The following HRK variants were observed in gnomAD, a reference collection of about 807,000 sequenced individuals.
HRK encodes the protein activator of apoptosis harakiri.
In HRK, 6 loss-of-function variants were observed where a neutral mutation model predicts 5.9. That is an observed-to-expected ratio of 1.02 (90% CI 0.56 to 2.01). The LOEUF (loss-of-function observed/expected upper bound fraction) is 2.01. HRK is among the 30% of genes most tolerant of loss of function. The pLI is 0.00. For synonymous variants in HRK, 85 were observed against 65.1 expected, an observed-to-expected ratio of 1.31 and a Z score of -1.47; for missense variants, 133 against 128.3, an observed-to-expected ratio of 1.04 and a Z score of -0.18.
In HRK at chr12:116,879,181, CA is replaced by C. The variant is rs1879047762; in HGVS notation, c.*56+1794del. On this transcript the variant is annotated intron_variant, in intron 1 of 1. Coordinates refer to ENST00000257572, the MANE Select transcript of HRK (RefSeq NM_003806.4). The surrounding 1 kb of genome is among the most constrained non-coding windows in gnomAD (Gnocchi z 5.6). ...TGGTGCCGGAAGGGGAGAGCGTTTCCAATCTCCTGGACGACAGAACCAGAGA... is the reference window on the plus strand; with the variant it reads ...TGGTGCCGGAAGGGGAGAGCGTTTCCATCTCCTGGACGACAGAACCAGAGA... 1 of 152,324 alleles carries C rather than the reference CA, an allele frequency of 6.6e-6. No homozygotes were observed. The highest frequency in any genetic ancestry group is 6.5e-5 in the Admixed American group (1 of 15,286). The allele number at this position is 152,324 out of a possible 1,614,324, so 9.4% of individuals were successfully genotyped here.
In HRK at chr12:116,881,105, T is replaced by A. The variant is rs1344757107; in HGVS notation, c.203A>T (p.Tyr68Phe). Residue 68 changes from tyrosine to phenylalanine, a missense_variant, in exon 1 of 2, where the codon TAC (tyrosine) becomes TTC (phenylalanine). Tyr to Phe is a conservative substitution (Grantham distance 22). Coordinates refer to ENST00000257572, the MANE Select transcript of HRK (RefSeq NM_003806.4). ...RAPAPGALPT[Y>F]WPWLCAAAQV... The stretch of plus-strand genomic sequence containing the variant: ...CGCGGCCGCGCACAGCCAAGGCCAG[T>A]AGGTGGGGAGCGCGCCGGGCGCCGG... 7.1e-6 allele frequency: 9 copies of A among 1,259,068 alleles called. No homozygotes were observed. Among genetic ancestry groups the A allele is most frequent in the Non-Finnish European group, 9.0e-6 (9 of 1,003,752 alleles). 78.0% of individuals were successfully genotyped at this position (1,259,068 alleles called of 1,614,324 possible).
At position 116,859,896 on chromosome 12, in the gene HRK, A is replaced by C. The variant is rs1382415037; in HGVS notation, c.*1627T>G. 1 of 151,982 alleles carries C rather than the reference A, an allele frequency of 6.6e-6. No homozygotes were observed. The highest frequency in any genetic ancestry group is 6.6e-5 in the Admixed American group (1 of 15,244). The allele number at this position is 151,982 out of a possible 1,614,324, so 9.4% of individuals were successfully genotyped here. On this transcript the variant is annotated 3_prime_UTR_variant, in exon 2 of 2. Coordinates refer to ENST00000257572, the MANE Select transcript of HRK (RefSeq NM_003806.4). ...CCATTTCAGCCGCATCCACCTTAAC[A>C]AATGTGGATCCCACTGCTGGCTTCT... is the stretch of plus-strand genomic sequence containing the variant.
intron 1 of HRK, among the ~76,000 whole-genome samples, chr12:116,866,307 T>C (rs1878544757): frequency 6.7e-6 from 1 of 150,270 alleles, no homozygotes; most frequent in African/African-American, 2.5e-5. Flanking sequence ...CCCTAATCCC[T>C]GCTACTCAGG....
chr12:116,864,186 A>G (rs1161474160), intron 1 of HRK, among the ~76,000 whole-genome samples: 14 of 152,226 alleles, frequency 9.2e-5, no homozygotes, highest in Admixed American at 8.5e-4. Context: ...GTCTAGCCAT[A>G]AACCTACAGA....
Position 116,881,266 on chromosome 12 carries a change from G to A in HRK, c.42C>T (p.Ala14=). 1.0e-5 allele frequency: 11 copies of A among 1,081,856 alleles called. No homozygotes were observed. The highest frequency in any genetic ancestry group is 1.2e-5 in the Non-Finnish European group (11 of 894,034). The allele number at this position is 1,081,856 out of a possible 1,614,324, so 67.0% of individuals were successfully genotyped here. The part of the protein sequence containing the change: ...CPLHRGRGPP[A]VCACSAGRLG... ...GGCGACCCGCGCTGCAGGCGCACAC[G>A]GCCGGGGGGCCGCGGCCGCGGTGCA... is the stretch of plus-strand genomic sequence containing the variant. The change falls in exon 1 of 2, where the codon GCC becomes GCT. Residue 14 remains alanine, a synonymous_variant. Transcript: ENST00000257572.
rs1007561469 is a variant in HRK at position 116,860,676 on chromosome 12, A to C, written c.*847T>G. On this transcript the variant is annotated 3_prime_UTR_variant, in exon 2 of 2. Coordinates refer to ENST00000257572, the MANE Select transcript of HRK (RefSeq NM_003806.4). ...TCGTCCCCAGGTAGAAGAAGAGAAG[A>C]GACTCTCAAGTGGCACTTTTGCAAC... 1 of 151,324 alleles carries C rather than the reference A, an allele frequency of 6.6e-6. No homozygotes were observed. Among genetic ancestry groups the C allele is most frequent in the African/African-American group, 2.4e-5 (1 of 41,236 alleles). The allele number at this position is 151,324 out of a possible 1,614,324, so 9.4% of individuals were successfully genotyped here.
intron 1 of HRK, among the ~76,000 whole-genome samples, chr12:116,876,531 C>T (rs1878935689): frequency 1.3e-5 from 2 of 152,000 alleles, no homozygotes; most frequent in Non-Finnish European, 2.9e-5. Context: ...CTGCGGAGTC[C>T]CCCTCTCTCC....
At chr12:116,867,335 G>A (rs1464388570) in intron 1 of HRK, among the ~76,000 whole-genome samples, 1 of 151,476 alleles carries the variant, frequency 6.6e-6, no homozygotes, top group African/African-American at 2.4e-5. Context: ...GTAGAGATGG[G>A]GTTTCACTAT....
At position 116,858,322 on chromosome 12, in the gene HRK, G is replaced by A. The variant is rs1219166837; in HGVS notation, c.*3201C>T. The A allele has an allele frequency of 6.6e-6, 1 of 152,012 alleles. No homozygotes were observed. 9.4% of individuals were successfully genotyped at this position (152,012 alleles called of 1,614,324 possible). A position where few individuals can be genotyped will look rare whatever the true frequency, so the allele number is the denominator to read the frequency against. On this transcript the variant is annotated 3_prime_UTR_variant, in exon 2 of 2. Coordinates refer to ENST00000257572, the MANE Select transcript of HRK (RefSeq NM_003806.4). Reference sequence around the variant, plus strand: ...GCTACACCAATAACAAAGAGAATAGGAAACGGACCCCCAAATTTGAAGAGA... The same window carrying A: ...GCTACACCAATAACAAAGAGAATAGAAAACGGACCCCCAAATTTGAAGAGA...
rs1878178624 is a variant in HRK at position 116,857,079 on chromosome 12, CTA to C, written c.*4442_*4443del. On this transcript the variant is annotated 3_prime_UTR_variant, in exon 2 of 2. Coordinates refer to ENST00000257572, the MANE Select transcript of HRK (RefSeq NM_003806.4). ...CAGATAGCAGGGCTCTCAGTAAATACTATATAACAATCTGCCAGCAAAGCTTG... is the reference window on the plus strand; with the variant it reads ...CAGATAGCAGGGCTCTCAGTAAATACTATAACAATCTGCCAGCAAAGCTTG... 1 of 152,214 alleles carries C rather than the reference CTA, an allele frequency of 6.6e-6. No homozygotes were observed. Among genetic ancestry groups the C allele is most frequent in the South Asian group, 2.1e-4 (1 of 4,830 alleles). 9.4% of individuals were successfully genotyped at this position (152,214 alleles called of 1,614,324 possible). A position where few individuals can be genotyped will look rare whatever the true frequency, so the allele number is the denominator to read the frequency against.
At chr12:116,866,331 A>T (rs1425858653) in intron 1 of HRK, among the ~76,000 whole-genome samples, 1 of 146,550 alleles carries the variant, frequency 6.8e-6, no homozygotes, top group Non-Finnish European at 1.5e-5. Flanking sequence ...CTGAGGCAGG[A>T]GGATTGCTTG....
rs1879154233 is a variant in HRK at position 116,881,387 on chromosome 12, G to A, written c.-80C>T. The A allele has an allele frequency of 9.8e-7, 1 of 1,019,770 alleles. No homozygotes were observed. The highest frequency in any genetic ancestry group is 1.2e-6 in the Non-Finnish European group (1 of 853,154). The allele number at this position is 1,019,770 out of a possible 1,614,324, so 63.2% of individuals were successfully genotyped here. Reference sequence around the variant, plus strand: ...TCCGGCCTCTGCGCCCGCTGCCGCCGCGCTCCAGCCGCCGGGGGCCTCCCC... The same window carrying A: ...TCCGGCCTCTGCGCCCGCTGCCGCCACGCTCCAGCCGCCGGGGGCCTCCCC... On this transcript the variant is annotated 5_prime_UTR_variant, in exon 1 of 2. Transcript: ENST00000257572.
chr12:116,861,501 AGACAGCTGCTGGGGGT>A (rs1416329209), intron 1 of HRK, 35 bp from the exon 2 acceptor site: 1 of 152,228 alleles, frequency 6.6e-6, no homozygotes, highest in Admixed American at 6.5e-5. Context: ...TGGTCAGTGC[AGACAGCTGCTGGGGGT>A]GACGTCAGTG....
chr12:116,867,688 A>G (rs1481375377), intron 1 of HRK: 1 of 152,216 alleles, frequency 6.6e-6, no homozygotes, highest in African/African-American at 2.4e-5. Flanking sequence ...CAAGGAAGTG[A>G]CCATATAAGG....
At chr12:116,869,811 C>T (rs1878680850) in intron 1 of HRK, among the ~76,000 whole-genome samples, 1 of 152,208 alleles carries the variant, frequency 6.6e-6, no homozygotes, top group South Asian at 2.1e-4. Flanking sequence ...TGGTGGCTCA[C>T]ACCTGTAATC....
At chr12:116,876,486 A>G (rs1878933044) in intron 1 of HRK, among the ~76,000 whole-genome samples, 1 of 152,124 alleles carries the variant, frequency 6.6e-6, no homozygotes, top group African/African-American at 2.4e-5. Flanking sequence ...CTGGCCCATT[A>G]TCTTCCTTGC....
intron 1 of HRK, among the ~76,000 whole-genome samples, chr12:116,875,756 C>A (rs1275375325): frequency 6.6e-6 from 1 of 152,066 alleles, no homozygotes; most frequent in Non-Finnish European, 1.5e-5. Context: ...ATTGGCCAGG[C>A]AGGTCTCGAA....
intron 1 of HRK, among the ~76,000 whole-genome samples, chr12:116,869,077 G>A (rs534392321): frequency 3.3e-5 from 5 of 151,972 alleles, no homozygotes; most frequent in South Asian, 2.1e-4. Context: ...GGGCTCAAGC[G>A]ATCCTCCCAC....
At chr12:116,870,958 G>A (rs948211348) in intron 1 of HRK, among the ~76,000 whole-genome samples, 5 of 152,164 alleles carry the variant, frequency 3.3e-5, no homozygotes, top group African/African-American at 4.8e-5. Context: ...TCGCTCTGTC[G>A]CTCAAGCTGG....
Sources: allele counts gnomAD v4.1 joint callset (sites outside exome capture counted in the v4.1 genomes callset), GRCh38; gene constraint gnomAD v4.1.1; non-coding constraint Gnocchi (gnomAD v3.1); transcripts MANE v1.5; gene names NCBI Gene and HGNC (gene_info 2026-07-23, HGNC 2026-07-21).